FAM227B: variants seen among roughly 807,000 people sequenced by gnomAD.
FAM227B encodes protein FAM227B.
In FAM227B, 88 loss-of-function variants were observed where a neutral mutation model predicts 73.8. The observed-to-expected ratio is 1.19, with a 90% confidence interval of 1.00 to 1.42. FAM227B has a LOEUF of 1.42. Ranked by LOEUF, FAM227B falls within the 40% of genes most tolerant of loss-of-function variation. The probability of loss-of-function intolerance (pLI) is 0.00; values close to 1 mark genes in which losing one functional copy is unlikely to be tolerated. For missense variants in FAM227B, 632 were observed against 590.9 expected (o/e 1.07, Z -0.72); for synonymous variants, 210 against 190.5 (o/e 1.10, Z -0.84).
chr15:49,328,326 A>G lies in FAM227B; in HGVS notation c.*242T>C. On this transcript the variant is annotated 3_prime_UTR_variant, in exon 16 of 16. Transcript: ENST00000299338. ...TGGTTGAAAGCTCTCTATGCTTCAT[A>G]ATGATTCTTTTTCCATCTTAAAATA... The G allele has an allele frequency of 7.0e-7, 1 of 1,431,946 alleles. No homozygotes were observed. The allele number at this position is 1,431,946 out of a possible 1,614,324, so 88.7% of individuals were successfully genotyped here. A position where few individuals can be genotyped will look rare whatever the true frequency, so the allele number is the denominator to read the frequency against.
chr15:49,342,355 CT>C (rs1444388200), intron 13 of FAM227B, among the ~76,000 whole-genome samples: 6 of 152,010 alleles, frequency 3.9e-5, no homozygotes, highest in Non-Finnish European at 7.4e-5. Context: ...GACTCCTGCT[CT>C]TTTTTGTTTT....
In FAM227B at chr15:49,541,770, T is replaced by C. The variant is rs778302617; in HGVS notation, c.784A>G (p.Thr262Ala). ...PDCLAQAIYA[T>A]FHEAFPESSY... Reference sequence around the variant, plus strand: ...GATTCTGGAAATGCTTCATGGAACGTTGCATATATGGCTTGTGCCAAACAA... The same window carrying C: ...GATTCTGGAAATGCTTCATGGAACGCTGCATATATGGCTTGTGCCAAACAA... The change falls in exon 10 of 16, where the codon ACG becomes GCG. Residue 262 changes from threonine (T) to alanine (A), a missense_variant. Coordinates refer to ENST00000299338, the MANE Select transcript of FAM227B (RefSeq NM_152647.3). 1.4e-5 allele frequency: 21 copies of C among 1,536,798 alleles called. No homozygotes were observed. Among genetic ancestry groups the C allele is most frequent in the Middle Eastern group, 1.7e-4 (1 of 5,842 alleles).
At chr15:49,378,903 C>T (rs577271054) in intron 11 of FAM227B, among the ~76,000 whole-genome samples, 6 of 152,094 alleles carry the variant, frequency 3.9e-5, no homozygotes, top group African/African-American at 1.4e-4. Context: ...TTAGTTTTTC[C>T]TCACTCAATA....
intron 11 of FAM227B, among the ~76,000 whole-genome samples, chr15:49,494,518 T>G (rs568901130): frequency 6.6e-6 from 1 of 152,160 alleles, no homozygotes; most frequent in Non-Finnish European, 1.5e-5. Context: ...ACTGATTTAC[T>G]CTAATGAAAA....
chr15:49,559,216 C>T (rs1013849281), intron 9 of FAM227B, among the ~76,000 whole-genome samples: 2 of 152,152 alleles, frequency 1.3e-5, no homozygotes, highest in African/African-American at 2.4e-5. Context: ...ACCATCTCAA[C>T]TCCCTGCAGA....
intron 13 of FAM227B, among the ~76,000 whole-genome samples, chr15:49,344,691 T>A (rs372612890): frequency 6.6e-6 from 1 of 152,222 alleles, no homozygotes. Flanking sequence ...ACAAGAAGTC[T>A]GCAATCTCAG....
chr15:49,532,288 A>C (rs2152231612), intron 10 of FAM227B, among the ~76,000 whole-genome samples: 1 of 151,870 alleles, frequency 6.6e-6, no homozygotes, highest in East Asian at 1.9e-4. Context: ...GTGGTGAAAA[A>C]AATTATAGTT....
chr15:49,345,358 T>C (rs1381885394), intron 13 of FAM227B, among the ~76,000 whole-genome samples: 1 of 151,480 alleles, frequency 6.6e-6, no homozygotes, highest in Non-Finnish European at 1.5e-5. Context: ...TATAATGAAG[T>C]GCTGGGCTGC....
chr15:49,582,406 C>G (rs947093017), intron 5 of FAM227B, among the ~76,000 whole-genome samples: 24 of 152,142 alleles, frequency 1.6e-4, no homozygotes, highest in Admixed American at 1.4e-3. Context: ...TGGTAAAAGA[C>G]TCAATTCAAC....
intron 11 of FAM227B, chr15:49,396,312 G>C (rs1453349795): frequency 5.0e-6 from 2 of 397,410 alleles, no homozygotes; most frequent in South Asian, 1.8e-5. Context: ...GGCGCACCAC[G>C]AGATTATATC....
intron 3 of FAM227B, among the ~76,000 whole-genome samples, 187 bp downstream of exon 3, chr15:49,611,028 T>C (rs2077876433): frequency 6.6e-6 from 1 of 152,220 alleles, no homozygotes; most frequent in East Asian, 1.9e-4. Context: ...GAGAATAGAA[T>C]GTTGACAAGA....
chr15:49,551,060 A>G (rs1415801632), intron 9 of FAM227B, among the ~76,000 whole-genome samples: 1 of 152,190 alleles, frequency 6.6e-6, no homozygotes, highest in Non-Finnish European at 1.5e-5. Context: ...CTGGCGGATC[A>G]CTCGCCGCTA....
chr15:49,374,763 C>T (rs1039755551), intron 11 of FAM227B, among the ~76,000 whole-genome samples: 1 of 152,142 alleles, frequency 6.6e-6, no homozygotes, highest in Non-Finnish European at 1.5e-5. Flanking sequence ...AGGCTGGTCT[C>T]GAACTCCTGA....
intron 11 of FAM227B, among the ~76,000 whole-genome samples, chr15:49,468,434 A>AT (rs1162759196): frequency 2.4e-4 from 37 of 152,034 alleles, no homozygotes; most frequent in Admixed American, 2.4e-3. Context: ...TAGTTTTCTA[A>AT]TTTCTTTTAG....
At chr15:49,570,605 G>C (rs1203651216) in intron 8 of FAM227B, among the ~76,000 whole-genome samples, 1 of 151,410 alleles carries the variant, frequency 6.6e-6, no homozygotes, top group African/African-American at 2.4e-5. Context: ...TGCACCTTTT[G>C]ATCATCTCAC....
intron 11 of FAM227B, among the ~76,000 whole-genome samples, chr15:49,410,480 T>G (rs2048800325): frequency 6.6e-6 from 1 of 152,170 alleles, no homozygotes; most frequent in Non-Finnish European, 1.5e-5. Flanking sequence ...CAGTACATAG[T>G]CTTCACTATC....
chr15:49,583,386 C>T (rs58619514), intron 5 of FAM227B, among the ~76,000 whole-genome samples: 9,456 of 151,980 alleles, frequency 0.062, 1,038 homozygotes, highest in African/African-American at 0.22. Context: ...CCCACCAAAA[C>T]CAAAATGGCG....
At chr15:49,401,182 T>C (rs1440679427) in intron 11 of FAM227B, among the ~76,000 whole-genome samples, 5 of 152,174 alleles carry the variant, frequency 3.3e-5, no homozygotes, top group Non-Finnish European at 5.9e-5. Flanking sequence ...CATCAAAAAG[T>C]GGGCGAAGGA....
At chr15:49,428,580 A>AAT (rs2050323321) in intron 11 of FAM227B, among the ~76,000 whole-genome samples, 1 of 151,966 alleles carries the variant, frequency 6.6e-6, no homozygotes, top group Non-Finnish European at 1.5e-5. Flanking sequence ...CTTTAAGCTG[A>AAT]GTATTGAGGT....
Sources: allele counts gnomAD v4.1 joint callset (sites outside exome capture counted in the v4.1 genomes callset), GRCh38; gene constraint gnomAD v4.1.1; transcripts MANE v1.5; gene names NCBI Gene and HGNC (gene_info 2026-07-23, HGNC 2026-07-21).